Variants in CENPU observed in about 807,000 individuals in gnomAD.
CENPU encodes centromere protein U.
Under a neutral mutation model 56.7 loss-of-function variants are expected in CENPU, and 46 were observed. The ratio of observed to expected loss-of-function variants is 0.81; its 90% CI spans 0.64 to 1.04. CENPU has a LOEUF of 1.04. Ranked by LOEUF, CENPU falls within the 50% of genes least tolerant of loss-of-function variation. The pLI, the probability that CENPU is intolerant of heterozygous loss-of-function variation, is 0.00. For synonymous variants in CENPU, 166 were observed against 163.0 expected (o/e 1.02, Z -0.14); for missense variants, 510 against 490.1 (o/e 1.04, Z -0.38).
rs968349460 is a variant in CENPU at position 184,733,037 on chromosome 4, G to C, written c.47+979C>G. On this transcript the variant is annotated intron_variant, in intron 1 of 12. Transcript: ENST00000281453. ...TTGTATGTGCGTAAGTGTGTTTTGG[G>C]AGGAGGCATGAACAGATTTCATGAG... is the stretch of plus-strand genomic sequence containing the variant. Among the ~76,000 whole-genome samples, 29 of 152,038 alleles carry C rather than the reference G, an allele frequency of 1.9e-4. 1 individual carries two copies. Among genetic ancestry groups the C allele is most frequent in the African/African-American group, 6.5e-4 (27 of 41,488 alleles).
intron 8 of CENPU, among the ~76,000 whole-genome samples, chr4:184,703,316 T>C (rs1256461084): frequency 6.6e-6 from 1 of 152,210 alleles, no homozygotes; most frequent in Non-Finnish European, 1.5e-5. Flanking sequence ...GTAACACATC[T>C]GGACTAGCCA....
At chr4:184,730,778 A>G (rs1446700629) in intron 2 of CENPU, 142 bp downstream of exon 2, 3 of 560,184 alleles carry the variant, frequency 5.4e-6, no homozygotes, top group Non-Finnish European at 9.4e-6. Flanking sequence ...TATACCGGAA[A>G]AAGTGTGAGG....
Position 184,734,058 on chromosome 4 carries a change from G to T in CENPU, c.5C>A (p.Ala2Asp). Reference protein sequence around the residue: MAPRGRRRPRPH... With the variant: MDPRGRRRPRPH... ...CCGCGGCCGCCGCCGCCCCCGCGGGGCCATGGTGCCGCTCTCCGCTCTCGA... is the reference window on the plus strand; with the variant it reads ...CCGCGGCCGCCGCCGCCCCCGCGGGTCCATGGTGCCGCTCTCCGCTCTCGA... The change falls in exon 1 of 13, where the codon GCC becomes GAC. Residue 2 changes from alanine (A) to aspartate (D), a missense_variant. Physicochemically the swap from Ala to Asp is moderately radical, Grantham distance 126. Coordinates refer to ENST00000281453, the MANE Select transcript of CENPU (RefSeq NM_024629.4). 6.4e-7 allele frequency: 1 copy of T among 1,561,332 alleles called. No individual in the cohort carries two copies. The highest frequency in any genetic ancestry group is 8.7e-7 in the Non-Finnish European group (1 of 1,154,846).
At chr4:184,713,444 T>C (rs141121333) in intron 6 of CENPU, among the ~76,000 whole-genome samples, 2 of 152,308 alleles carry the variant, frequency 1.3e-5, no homozygotes, top group East Asian at 3.9e-4. Flanking sequence ...TAAAACAGAT[T>C]AGTTACATAA....
chr4:184,707,243 G>A (rs1467716477), intron 8 of CENPU, among the ~76,000 whole-genome samples: 2 of 151,178 alleles, frequency 1.3e-5, no homozygotes, highest in African/African-American at 2.5e-5. Context: ...GGAAGGTCAT[G>A]TAGAGAGAAT....
rs1208786898 is a variant in CENPU at position 184,724,978 on chromosome 4, G to T, written c.299C>A (p.Pro100Gln). 25 of 1,610,404 alleles carry T rather than the reference G, an allele frequency of 1.6e-5. No homozygotes were observed. The highest frequency in any genetic ancestry group is 2.1e-5 in the Non-Finnish European group (25 of 1,177,538). ...HCGLSLSSTPPGKEAKRSSDT... is the reference protein window; with the variant it reads ...HCGLSLSSTPQGKEAKRSSDT... ...GTACCTTCTTTTTGCTTCTTTTCCT[G>T]GAGGAGTTGAAGAGAGAGACAGTCC... The change falls in exon 4 of 13, where the codon CCA becomes CAA. Residue 100 changes from proline to glutamine, a missense_variant. Transcript: ENST00000281453.
intron 3 of CENPU, among the ~76,000 whole-genome samples, chr4:184,728,673 C>T (rs6817521): frequency 0.18 from 27,079 of 152,024 alleles, 2,698 homozygotes; most frequent in African/African-American, 0.26. Context: ...CTATAGTAAG[C>T]GTCCTCATGT....
intron 6 of CENPU, among the ~76,000 whole-genome samples, chr4:184,713,479 C>T (rs1418721001): frequency 6.6e-6 from 1 of 152,182 alleles, no homozygotes; most frequent in Non-Finnish European, 1.5e-5. Context: ...TACAAGGAAG[C>T]ATTGCAAACA....
chr4:184,697,837 T>C (rs1760391243), intron 11 of CENPU, 34 bp from the exon 12 acceptor site: 1 of 1,554,814 alleles, frequency 6.4e-7, no homozygotes, highest in African/African-American at 1.4e-5. Flanking sequence ...TAATAAAATG[T>C]ACCAGCCTAT....
chr4:184,717,690 T>A (rs1031888341), intron 4 of CENPU, among the ~76,000 whole-genome samples: 1 of 152,204 alleles, frequency 6.6e-6, no homozygotes, highest in Non-Finnish European at 1.5e-5. Context: ...AAAATTACTT[T>A]AAAATTGAGA....
At chr4:184,720,268 A>G (rs532460244) in intron 4 of CENPU, among the ~76,000 whole-genome samples, 1 of 152,282 alleles carries the variant, frequency 6.6e-6, no homozygotes, top group Non-Finnish European at 1.5e-5. Flanking sequence ...GTCTCTTAAT[A>G]GCAGAATCTA....
chr4:184,713,209 G>A (rs1255366789), intron 6 of CENPU, among the ~76,000 whole-genome samples, 196 bp from the exon 7 acceptor site: 7 of 152,052 alleles, frequency 4.6e-5, no homozygotes, highest in African/African-American at 9.7e-5. Context: ...TGGCCAACAT[G>A]GTGAAACCCC....
At chr4:184,723,009 T>A (rs1761331036) in intron 4 of CENPU, among the ~76,000 whole-genome samples, 1 of 152,178 alleles carries the variant, frequency 6.6e-6, no homozygotes, top group Non-Finnish European at 1.5e-5. Context: ...ACTCAGAATT[T>A]AACTTTTATG....
chr4:184,712,644 A>G (rs148974022), intron 7 of CENPU, among the ~76,000 whole-genome samples: 33 of 152,344 alleles, frequency 2.2e-4, no homozygotes, highest in Middle Eastern at 6.8e-3. Context: ...AACTGGATTA[A>G]TGGATTAATA....
At chr4:184,724,088 C>A (rs979333572) in intron 4 of CENPU, among the ~76,000 whole-genome samples, 15 of 151,708 alleles carry the variant, frequency 9.9e-5, no homozygotes, top group African/African-American at 3.6e-4. Context: ...CATGGTGAAA[C>A]CCCGTCTCTA....
chr4:184,702,321 GA>G, intron 9 of CENPU, 41 bp downstream of exon 9: 1 of 1,574,188 alleles, frequency 6.4e-7, no homozygotes. Context: ...CAGGATTAGT[GA>G]AAAAAACCTT....
intron 7 of CENPU, among the ~76,000 whole-genome samples, chr4:184,711,480 C>T (rs747468160): frequency 4.4e-4 from 67 of 152,194 alleles, no homozygotes; most frequent in Middle Eastern, 3.4e-3. Context: ...ACCATAATCA[C>T]CCTACTGTGC....
At chr4:184,707,911 A>G (rs1386942971) in intron 8 of CENPU, among the ~76,000 whole-genome samples, 2 of 152,210 alleles carry the variant, frequency 1.3e-5, no homozygotes, top group African/African-American at 4.8e-5. Flanking sequence ...ATAAAACATG[A>G]ATACAAGACA....
chr4:184,696,781 A>G (rs28542773), intron 12 of CENPU, among the ~76,000 whole-genome samples: 27,031 of 151,790 alleles, frequency 0.18, 2,717 homozygotes, highest in African/African-American at 0.26. Context: ...GGCAGATGGC[A>G]TAACAGTAGC....
Sources: gnomAD v4.1 joint callset for allele counts (sites outside exome capture counted in the v4.1 genomes callset) on GRCh38, gnomAD v4.1.1 for gene constraint, MANE v1.5 for transcripts, NCBI Gene and HGNC (gene_info 2026-07-23, HGNC 2026-07-21) for gene names.